The following NHLH2 variants were observed in gnomAD, a reference collection of about 807,000 sequenced individuals.
NHLH2 encodes the protein nescient helix-loop-helix 2.
Under a neutral mutation model 7.3 loss-of-function variants are expected in NHLH2, and 7 were observed. The ratio of observed to expected loss-of-function variants is 0.96; its 90% CI spans 0.55 to 1.81. NHLH2 has a LOEUF of 1.81. NHLH2 is among the 40% of genes most tolerant of loss of function. NHLH2 has a pLI of 0.00. For missense variants in NHLH2, 155 were observed against 194.0 expected (o/e 0.80, Z 1.19); for synonymous variants, 93 against 91.6 (o/e 1.01, Z -0.09).
rs1464281835 is a variant in NHLH2 at position 115,838,232 on chromosome 1, G to T, written c.141C>A (p.Asp47Glu). The stretch of plus-strand genomic sequence containing the variant: ...GCGCGGCTCGGCTGCCGCCCTTGCC[G>T]TCGCCCTCGGCCTCCTCCACCGGCT... The part of the protein sequence containing the change: ...DLEPVEEAEG[D>E]GKGGSRAALY... The change falls in exon 3 of 3, where the codon GAC becomes GAA. Residue 47 changes from aspartate (D) to glutamate (E), a missense_variant. Transcript: ENST00000320238. 6.4e-7 allele frequency: 1 copy of T among 1,559,636 alleles called. No individual in the cohort carries two copies. The highest frequency in any genetic ancestry group is 8.7e-7 in the Non-Finnish European group (1 of 1,155,126).
Position 115,838,163 on chromosome 1 carries a change from G to A in NHLH2, c.210C>T (p.Arg70=), listed in dbSNP as rs1476862615. ...PQQLSREEKR[R]RRRATAKYRS... is the part of the protein sequence containing the mutation. ...GGTACTTGGCCGTGGCGCGCCGGCG[G>A]CGGCGCTTCTCCTCGCGGCTCAGCT... Residue 70 remains arginine, a synonymous_variant, in exon 3 of 3, where the codon CGC becomes CGT. Coordinates refer to ENST00000320238, the MANE Select transcript of NHLH2 (RefSeq NM_005599.3). 1 of 1,584,488 alleles carries A rather than the reference G, an allele frequency of 6.3e-7. No homozygotes were observed. Among genetic ancestry groups the A allele is most frequent in the South Asian group, 1.1e-5 (1 of 88,044 alleles).
intron 2 of NHLH2, 82 bp from the exon 3 acceptor site, chr1:115,838,462 G>T: frequency 1.4e-6 from 2 of 1,481,192 alleles, no homozygotes; most frequent in East Asian, 2.5e-5. Context: ...CTACCACGCC[G>T]GTCCTCCCAG....
chr1:115,836,097 GCA>G (rs1432560203), downstream of NHLH2, among the ~76,000 whole-genome samples: 1 of 152,038 alleles, frequency 6.6e-6, no homozygotes, highest in Non-Finnish European at 1.5e-5. Flanking sequence ...TCTTTTAGAG[GCA>G]AAGAATCCAC....
At chr1:115,833,403 A>T (rs142145889), downstream of NHLH2, among the ~76,000 whole-genome samples, 123 of 152,296 alleles carry the variant, frequency 8.1e-4, no homozygotes, top group African/African-American at 2.9e-3. Context: ...TGTACTGCAG[A>T]CGCAGCACTC....
chr1:115,838,148 C>T lies in NHLH2; in HGVS notation c.225G>A (p.Thr75=), dbSNP rs760302768. The stretch of plus-strand genomic sequence containing the variant: ...TGGCGTGGGCCGAGCGGTACTTGGC[C>T]GTGGCGCGCCGGCGGCGGCGCTTCT... ...REEKRRRRRA[T]AKYRSAHATR... is the part of the protein sequence containing the mutation. The change falls in exon 3 of 3, where the codon ACG becomes ACA. Residue 75 remains threonine, a synonymous_variant. Transcript: ENST00000320238. 8.8e-6 allele frequency: 14 copies of T among 1,593,118 alleles called. No individual in the cohort carries two copies. The highest frequency in any genetic ancestry group is 1.1e-5 in the South Asian group (1 of 88,904).
chr1:115,835,822 T>G (rs1650855810), downstream of NHLH2, among the ~76,000 whole-genome samples: 1 of 150,946 alleles, frequency 6.6e-6, no homozygotes, highest in African/African-American at 2.4e-5. Context: ...GTCATTCTTC[T>G]TATCTCAAGG....
Position 115,838,268 on chromosome 1 carries a change from C to T in NHLH2, c.105G>A (p.Val35=), listed in dbSNP as rs763462412. 3.8e-5 allele frequency: 61 copies of T among 1,598,618 alleles called. No homozygotes were observed. Among genetic ancestry groups the T allele is most frequent in the Non-Finnish European group, 5.1e-5 (60 of 1,174,836 alleles). ...CCTCCTCCACCGGCTCCAGGTCCGACACGCTGCCGAGCACCTTGGTGTCCG... is the reference window on the plus strand; with the variant it reads ...CCTCCTCCACCGGCTCCAGGTCCGATACGCTGCCGAGCACCTTGGTGTCCG... The part of the protein sequence containing the change: ...GGTDTKVLGS[V]SDLEPVEEAE... Residue 35 remains valine (V), a synonymous_variant, in exon 3 of 3, where the codon GTG becomes GTA. Coordinates refer to ENST00000320238, the MANE Select transcript of NHLH2 (RefSeq NM_005599.3).
downstream of NHLH2, among the ~76,000 whole-genome samples, chr1:115,835,998 A>G (rs1489408391): frequency 6.6e-6 from 1 of 152,166 alleles, no homozygotes; most frequent in Non-Finnish European, 1.5e-5. Context: ...CTGCCATTAA[A>G]TAGCTATGTG....
At chr1:115,834,499 G>A (rs753325235), downstream of NHLH2, among the ~76,000 whole-genome samples, 3 of 152,188 alleles carry the variant, frequency 2.0e-5, no homozygotes, top group Non-Finnish European at 4.4e-5. Flanking sequence ...GGTCGCATGA[G>A]CACTCAGAAC....
rs749214360 is a variant in NHLH2 at position 115,838,097 on chromosome 1, G to A, written c.276C>T (p.Ala92=). ...GGAGCTCGGCGAAGGCCAAGTTGAA[G>A]GCTTCCACGCGGATGCGCTCGCGGG... ...HATRERIRVE[A]FNLAFAELRK... is the part of the protein sequence containing the mutation. The change falls in exon 3 of 3, where the codon GCC becomes GCT. Residue 92 remains alanine (A), a synonymous_variant. Coordinates refer to ENST00000320238, the MANE Select transcript of NHLH2 (RefSeq NM_005599.3). 3 of 1,608,042 alleles carry A rather than the reference G, an allele frequency of 1.9e-6. No homozygotes were observed. The highest frequency in any genetic ancestry group is 1.4e-5 in the African/African-American group (1 of 73,652).
downstream of NHLH2, among the ~76,000 whole-genome samples, chr1:115,831,639 C>T (rs1650753442): frequency 6.6e-6 from 1 of 151,738 alleles, no homozygotes. Flanking sequence ...CCTTGTCTGG[C>T]TGGGCGCGGT....
intron 2 of NHLH2, 177 bp from the exon 3 acceptor site, chr1:115,838,557 A>C: frequency 1.7e-6 from 1 of 591,844 alleles, no homozygotes; most frequent in Non-Finnish European, 2.8e-6. Context: ...CGAGGGCGCG[A>C]GCCCTGCGCC....
downstream of NHLH2, among the ~76,000 whole-genome samples, chr1:115,833,999 T>C (rs548054623): frequency 6.6e-6 from 1 of 152,304 alleles, no homozygotes; most frequent in Non-Finnish European, 1.5e-5. Flanking sequence ...GCAGGGCCAC[T>C]GGAGGGAGCT....
At chr1:115,840,596 G>T (rs1207519744) in intron 1 of NHLH2, 52 bp from the exon 2 acceptor site, 1 of 166,974 alleles carries the variant, frequency 6.0e-6, no homozygotes, top group Non-Finnish European at 1.5e-5. Flanking sequence ...TCAAAGGGCT[G>T]ATTCCTCCAC....
At chr1:115,833,550 G>A (rs1650799789), downstream of NHLH2, among the ~76,000 whole-genome samples, 1 of 152,184 alleles carries the variant, frequency 6.6e-6, no homozygotes, top group South Asian at 2.1e-4. Flanking sequence ...ATGGGTAGGG[G>A]CAGGCACTTT....
intron 2 of NHLH2, 51 bp from the exon 3 acceptor site, chr1:115,838,431 T>C: frequency 6.4e-7 from 1 of 1,573,902 alleles, no homozygotes; most frequent in South Asian, 1.2e-5. Flanking sequence ...GGTATTTTGC[T>C]GGAAGGATGG....
chr1:115,837,976 G>A lies in NHLH2; in HGVS notation c.397C>T (p.Leu133=). Residue 133 remains leucine (L), a synonymous_variant, in exon 3 of 3, where the codon CTG becomes TTG. Coordinates refer to ENST00000320238, the MANE Select transcript of NHLH2 (RefSeq NM_005599.3). ...ICYISYLNHV[L]DV ...CGGCGCACCCCGCCCTACACGTCCA[G>A]GACGTGGTTGAGATAGGAGATGTAG... 4 of 1,602,598 alleles carry A rather than the reference G, an allele frequency of 2.5e-6. No homozygotes were observed.
chr1:115,833,760 T>C (rs1159141136), downstream of NHLH2, among the ~76,000 whole-genome samples: 1 of 152,232 alleles, frequency 6.6e-6, no homozygotes, highest in Non-Finnish European at 1.5e-5. Context: ...TTATTTCGAC[T>C]ACTAATACTG....
At chr1:115,831,987 C>T (rs924708725), downstream of NHLH2, among the ~76,000 whole-genome samples, 1 of 151,836 alleles carries the variant, frequency 6.6e-6, no homozygotes, top group African/African-American at 2.4e-5. Flanking sequence ...CGTACACACA[C>T]ATTGGATGTG....
Sources: gnomAD v4.1 joint callset for allele counts (sites outside exome capture counted in the v4.1 genomes callset) on GRCh38, gnomAD v4.1.1 for gene constraint, MANE v1.5 for transcripts, NCBI Gene and HGNC (gene_info 2026-07-23, HGNC 2026-07-21) for gene names.